NR3C2: variants seen among roughly 807,000 people sequenced by gnomAD.
NR3C2 encodes nuclear receptor subfamily 3 group C member 2, also known as mineralocorticoid receptor.
Under a neutral mutation model 86.4 loss-of-function variants are expected in NR3C2, and 15 were observed. The ratio of observed to expected loss-of-function variants is 0.17; its 90% CI spans 0.12 to 0.27. The LOEUF is 0.27. NR3C2 is among the 10% of genes least tolerant of loss of function. The pLI, the probability that NR3C2 is intolerant of heterozygous loss-of-function variation, is 1.00. For synonymous variants in NR3C2, 458 were observed against 450.5 expected, an observed-to-expected ratio of 1.02 and a Z score of -0.21; for missense variants, 960 against 1,195.6, an observed-to-expected ratio of 0.80 and a Z score of 2.91.
At chr4:148,206,185 G>C (rs910475567) in intron 3 of NR3C2, among the ~76,000 whole-genome samples, 1 of 152,116 alleles carries the variant, frequency 6.6e-6, no homozygotes, top group African/African-American at 2.4e-5. Flanking sequence ...TTGATTGGGA[G>C]ATATAATTCC....
chr4:148,394,518 CAAAAAAAAAAA>C (rs112908192), intron 2 of NR3C2, among the ~76,000 whole-genome samples: 2 of 133,062 alleles, frequency 1.5e-5, no homozygotes, highest in East Asian at 2.3e-4. Context: ...CAACTCTACT[CAAAAAAAAAAA>C]AAAAAATAGC....
At chr4:148,391,965 A>T (rs916902084) in intron 2 of NR3C2, among the ~76,000 whole-genome samples, 1 of 152,066 alleles carries the variant, frequency 6.6e-6, no homozygotes, top group Admixed American at 6.6e-5. Context: ...GTAAAAAAAA[A>T]ACCTTTGGAG....
chr4:148,198,661 T>C (rs1243608831), intron 3 of NR3C2, among the ~76,000 whole-genome samples: 1 of 148,598 alleles, frequency 6.7e-6, no homozygotes. Context: ...AAATGAATAA[T>C]ATACACATAA....
chr4:148,247,982 A>G lies in NR3C2; in HGVS notation c.1897+11996T>C, dbSNP rs72655205. Among the ~76,000 whole-genome samples the G allele has an allele frequency of 2.9e-3, 443 of 152,308 alleles. 1 individual carries two copies. The highest frequency in any genetic ancestry group is 0.01 in the African/African-American group (434 of 41,562). On this transcript the variant is annotated intron_variant, in intron 3 of 8. Coordinates refer to ENST00000358102, the MANE Select transcript of NR3C2 (RefSeq NM_000901.5). ...CAAAGGTCAGCTATTTCAATATTTT[A>G]GAGATGCAACATAAGTAATTTTGAA...
At chr4:148,361,828 T>TTTGTTG (rs10528442) in intron 2 of NR3C2, among the ~76,000 whole-genome samples, 2 of 151,880 alleles carry the variant, frequency 1.3e-5, no homozygotes, top group Admixed American at 6.6e-5. Context: ...ACCCTAAAGT[T>TTTGTTG]TTGTTGTTAT....
chr4:148,230,704 T>C (rs1222777589), intron 3 of NR3C2, among the ~76,000 whole-genome samples: 1 of 152,236 alleles, frequency 6.6e-6, no homozygotes, highest in African/African-American at 2.4e-5. Context: ...TCTAAATTCT[T>C]CCTCTGTTTC....
chr4:148,284,184 T>C (rs549269172), intron 2 of NR3C2, among the ~76,000 whole-genome samples: 1 of 152,222 alleles, frequency 6.6e-6, no homozygotes, highest in Admixed American at 6.5e-5. Context: ...CATAACTCTT[T>C]AGAGTAGAGC....
chr4:148,290,684 T>C (rs73855947), intron 2 of NR3C2, among the ~76,000 whole-genome samples: 6,602 of 152,270 alleles, frequency 0.043, 460 homozygotes, highest in African/African-American at 0.15. Flanking sequence ...TCAATGTCCT[T>C]TGAATGCAAA....
In NR3C2 at chr4:148,081,258, A is replaced by G. The variant is rs5530; in HGVS notation, c.*86T>C. ...TGAACAAGTGTGAATCAACCATCAC[A>G]TGTTAAAAACAGGTTTTCTTGGGTC... On this transcript the variant is annotated 3_prime_UTR_variant, in exon 9 of 9. Coordinates refer to ENST00000358102, the MANE Select transcript of NR3C2 (RefSeq NM_000901.5). The G allele has an allele frequency of 0.02, 30,259 of 1,524,258 alleles. 387 individuals are homozygous for G. The highest frequency in any genetic ancestry group is 0.025 in the Non-Finnish European group (27,275 of 1,100,510). 94.4% of individuals were successfully genotyped at this position (1,524,258 alleles called of 1,614,324 possible). A position where few individuals can be genotyped will look rare whatever the true frequency, so the allele number is the denominator to read the frequency against.
intron 8 of NR3C2, among the ~76,000 whole-genome samples, chr4:148,100,327 T>C (rs527974368): frequency 1.3e-5 from 2 of 152,162 alleles, no homozygotes; most frequent in Admixed American, 1.3e-4. Flanking sequence ...AAATCATAGA[T>C]TGGATAAGGG....
chr4:148,162,020 A>T (rs2149775893), intron 4 of NR3C2, among the ~76,000 whole-genome samples: 1 of 152,284 alleles, frequency 6.6e-6, no homozygotes, highest in Middle Eastern at 3.4e-3. Flanking sequence ...GGTGTGAGGC[A>T]GATTACACCT....
upstream of NR3C2, chr4:148,443,911 C>G (rs957002641): frequency 1.2e-6 from 1 of 806,886 alleles, no homozygotes; most frequent in Non-Finnish European, 1.5e-6. Context: ...GTCAGGAACT[C>G]CCTGGAGATA....
intron 8 of NR3C2, among the ~76,000 whole-genome samples, chr4:148,097,487 T>C (rs568324003): frequency 6.6e-6 from 1 of 152,300 alleles, no homozygotes; most frequent in Non-Finnish European, 1.5e-5. Flanking sequence ...GAAAGAAATA[T>C]AGTTATAATT....
intron 2 of NR3C2, among the ~76,000 whole-genome samples, chr4:148,375,002 ATGT>A (rs1344958080): frequency 2.0e-5 from 3 of 152,202 alleles, no homozygotes; most frequent in Non-Finnish European, 2.9e-5. Context: ...AAAAGTAAAT[ATGT>A]TGTCACGTGG....
intron 2 of NR3C2, among the ~76,000 whole-genome samples, chr4:148,398,116 T>C (rs1395523723): frequency 6.6e-6 from 1 of 152,200 alleles, no homozygotes; most frequent in African/African-American, 2.4e-5. Context: ...ACACCAGCTA[T>C]TGGATTTAGA....
chr4:148,310,451 C>A (rs945162245), intron 2 of NR3C2, among the ~76,000 whole-genome samples: 3 of 152,214 alleles, frequency 2.0e-5, no homozygotes, highest in Non-Finnish European at 4.4e-5. Flanking sequence ...AGTCTATTTG[C>A]TGTCACATGG....
intron 8 of NR3C2, among the ~76,000 whole-genome samples, chr4:148,110,265 T>C (rs548245130): frequency 6.6e-6 from 1 of 152,316 alleles, no homozygotes; most frequent in East Asian, 1.9e-4. Flanking sequence ...CTTGGGACCA[T>C]TATTCCAGCA....
At chr4:148,173,513 T>C (rs1735230532) in intron 4 of NR3C2, among the ~76,000 whole-genome samples, 1 of 152,086 alleles carries the variant, frequency 6.6e-6, no homozygotes, top group African/African-American at 2.4e-5. Context: ...CTCCAGACAC[T>C]GGAAAGGGTA....
At chr4:148,235,550 C>T (rs569558903) in intron 3 of NR3C2, among the ~76,000 whole-genome samples, 1 of 152,254 alleles carries the variant, frequency 6.6e-6, no homozygotes, top group Non-Finnish European at 1.5e-5. Flanking sequence ...AAATATAACA[C>T]AACCATTCTG....
Sources: allele counts gnomAD v4.1 joint callset (sites outside exome capture counted in the v4.1 genomes callset), GRCh38; gene constraint gnomAD v4.1.1; transcripts MANE v1.5; gene names NCBI Gene and HGNC (gene_info 2026-07-23, HGNC 2026-07-21).